Variants in STPG1 observed in about 807,000 individuals in gnomAD.
STPG1 encodes O(6)-methylguanine-induced apoptosis 2.
A neutral mutation model predicts 40.1 loss-of-function variants in STPG1; 33 were observed. The observed-to-expected ratio is 0.82, with a 90% CI of 0.62 to 1.10. STPG1 has a LOEUF of 1.10. Among genes scored for constraint, STPG1 ranks in the 50% least tolerant of loss-of-function variants. STPG1 has a pLI of 0.00. For synonymous variants in STPG1, 150 were observed against 155.0 expected (o/e 0.97, Z 0.24); for missense variants, 396 against 415.1 (o/e 0.95, Z 0.40).
intron 4 of STPG1, among the ~76,000 whole-genome samples, chr1:24,382,959 T>A (rs143955823): frequency 6.4e-5 from 9 of 141,324 alleles, no homozygotes; most frequent in African/African-American, 2.4e-4. Context: ...TCACCCAGGC[T>A]GGAGTGTGAT....
intron 7 of STPG1, 76 bp downstream of exon 7, chr1:24,369,598 C>T: frequency 6.7e-7 from 1 of 1,482,428 alleles, no homozygotes; most frequent in Non-Finnish European, 9.2e-7. Context: ...GCAGTGACAC[C>T]CCATCCTTTT....
chr1:24,372,506 T>C (rs1419955229), intron 6 of STPG1, among the ~76,000 whole-genome samples: 1 of 152,134 alleles, frequency 6.6e-6, no homozygotes, highest in Non-Finnish European at 1.5e-5. Context: ...AGGGGCAGAC[T>C]GTGGAGGTGC....
chr1:24,407,473 G>A (rs1384012088), intron 1 of STPG1, among the ~76,000 whole-genome samples: 2 of 136,184 alleles, frequency 1.5e-5, no homozygotes, highest in African/African-American at 2.8e-5. Flanking sequence ...ACGGAGTCCC[G>A]CTCTGTCACC....
At position 24,357,834 on chromosome 1, in the gene STPG1, G is replaced by C. The variant is rs188326269; in HGVS notation, c.*709C>G. 1 of 298,014 alleles carries C rather than the reference G, an allele frequency of 3.4e-6. No individual in the cohort carries two copies. Among genetic ancestry groups the C allele is most frequent in the Admixed American group, 4.6e-5 (1 of 21,808 alleles). The allele number at this position is 298,014 out of a possible 1,614,324, so 18.5% of individuals were successfully genotyped here. A position where few individuals can be genotyped will look rare whatever the true frequency, so the allele number is the denominator to read the frequency against. ...CTCCATGGAAGGGCCTGTAAGCCTT[G>C]AGAAAATTCAGTCCCGCCAGCAGAG... On this transcript the variant is annotated 3_prime_UTR_variant, in exon 9 of 9. Coordinates refer to ENST00000337248, the MANE Select transcript of STPG1 (RefSeq NM_001199013.2).
intron 3 of STPG1, among the ~76,000 whole-genome samples, chr1:24,387,008 T>C (rs1642535284): frequency 6.7e-6 from 1 of 149,114 alleles, no homozygotes; most frequent in Admixed American, 6.6e-5. Flanking sequence ...ATCATCATCA[T>C]CACCATCACC....
chr1:24,360,254 A>G (rs1172464478), intron 8 of STPG1, among the ~76,000 whole-genome samples: 4 of 152,166 alleles, frequency 2.6e-5, no homozygotes, highest in Admixed American at 2.6e-4. Context: ...AGACCAGCCT[A>G]GCCAACATAG....
chr1:24,406,258 ACAGT>A (rs1294627715), intron 1 of STPG1, among the ~76,000 whole-genome samples: 3 of 152,108 alleles, frequency 2.0e-5, no homozygotes, highest in Admixed American at 6.5e-5. Flanking sequence ...TTAATTTATC[ACAGT>A]CAAACAATAG....
At chr1:24,414,051 C>CT (rs921807698), upstream of STPG1, 184 of 149,586 alleles carry the variant, frequency 1.2e-3, 1 homozygote, top group South Asian at 5.5e-3. Context: ...AGCCCTGTTT[C>CT]TTTTTTTTTT....
At chr1:24,393,555 G>C (rs1642868553) in intron 2 of STPG1, among the ~76,000 whole-genome samples, 1 of 152,070 alleles carries the variant, frequency 6.6e-6, no homozygotes, top group African/African-American at 2.4e-5. Context: ...ACATTCTCCT[G>C]GGGAAAGGAG....
chr1:24,361,085 G>T, intron 7 of STPG1, 44 bp from the exon 8 acceptor site: 3 of 1,532,274 alleles, frequency 2.0e-6, no homozygotes, highest in Non-Finnish European at 2.6e-6. Flanking sequence ...AGGCAGTCTA[G>T]TGGGGAAGGC....
intron 3 of STPG1, among the ~76,000 whole-genome samples, chr1:24,386,090 G>A (rs962668786): frequency 7.9e-5 from 12 of 152,262 alleles, no homozygotes; most frequent in Middle Eastern, 3.4e-3. Context: ...CCTAAATGCC[G>A]GCTCCATCCT....
At chr1:24,402,894 C>T (rs138565380) in intron 1 of STPG1, among the ~76,000 whole-genome samples, 39 of 152,214 alleles carry the variant, frequency 2.6e-4, no homozygotes, top group East Asian at 7.7e-4. Flanking sequence ...ATTTGCTCCC[C>T]GGCTGAGGTT....
chr1:24,365,459 T>C (rs1354983083), intron 7 of STPG1, among the ~76,000 whole-genome samples: 1 of 152,224 alleles, frequency 6.6e-6, no homozygotes, highest in Non-Finnish European at 1.5e-5. Flanking sequence ...AAGCGAAACC[T>C]TGGCTGATAC....
intron 5 of STPG1, among the ~76,000 whole-genome samples, chr1:24,377,096 T>TA (rs5773086): frequency 0.71 from 103,155 of 145,320 alleles, 36,437 homozygotes; most frequent in East Asian, 0.86. Context: ...CCATCTCTAC[T>TA]AAAAAAAAAA....
chr1:24,373,785 C>A lies in STPG1; in HGVS notation c.488G>T (p.Arg163Ile). Residue 163 changes from arginine (R) to isoleucine (I), a missense_variant, in exon 6 of 9, where the codon AGA becomes ATA. Transcript: ENST00000337248. ...YNASVSCCKQ[R>I]NNVCTRAGFM... ...CCCGGCTCGAGTACAGACGTTGTTT[C>A]TCTGCTTGCAGCAAGAGACAGAGGC... 6.2e-7 allele frequency: 1 copy of A among 1,609,934 alleles called. No homozygotes were observed. The highest frequency in any genetic ancestry group is 8.5e-7 in the Non-Finnish European group (1 of 1,176,356).
Position 24,391,673 on chromosome 1 carries a change from G to C in STPG1, c.77C>G (p.Thr26Ser), listed in dbSNP as rs992806398. 6 of 1,539,184 alleles carry C rather than the reference G, an allele frequency of 3.9e-6. No homozygotes were observed. Among genetic ancestry groups the C allele is most frequent in the Non-Finnish European group, 3.5e-6 (4 of 1,139,914 alleles). ...RRASEVQKGF[T>S]AAYPTQSSIP... ...GGAGGATTGTGTTGGATATGCAGCA[G>C]TAAAACCTAAACAACAAAAATGGAG... The change falls in exon 3 of 9, where the codon ACT becomes AGT. Residue 26 changes from threonine to serine, a missense_variant. By Grantham distance (58) the Thr-to-Ser change is moderately conservative. Transcript: ENST00000337248.
rs1364154205 is a variant in STPG1 at position 24,365,628 on chromosome 1, G to A, written c.737+4046C>T. On this transcript the variant is annotated intron_variant, in intron 7 of 8. Transcript: ENST00000337248. ...ACAGCCAGCCCCAAGCACAGCATCC[G>A]CCCTGCGGGGCCACACTAGAAACCC... Among the ~76,000 whole-genome samples the A allele has an allele frequency of 2.6e-5, 4 of 152,212 alleles. No individual in the cohort carries two copies. The South Asian group carries it at 6.2e-4, about 24-fold the overall frequency.
chr1:24,358,532 G>C lies in STPG1; in HGVS notation c.*11C>G. On this transcript the variant is annotated 3_prime_UTR_variant, in exon 9 of 9. Coordinates refer to ENST00000337248, the MANE Select transcript of STPG1 (RefSeq NM_001199013.2). ...GGTGGCTGGAGTTCTCCTTGACCTTGTGTGACATCCCTACAGAACCGGGAT... is the reference window on the plus strand; with the variant it reads ...GGTGGCTGGAGTTCTCCTTGACCTTCTGTGACATCCCTACAGAACCGGGAT... The C allele has an allele frequency of 6.2e-7, 1 of 1,609,932 alleles. No homozygotes were observed. The highest frequency in any genetic ancestry group is 8.5e-7 in the Non-Finnish European group (1 of 1,176,138).
chr1:24,380,993 C>A (rs1373711674), intron 4 of STPG1, among the ~76,000 whole-genome samples: 1 of 152,184 alleles, frequency 6.6e-6, no homozygotes, highest in Non-Finnish European at 1.5e-5. Flanking sequence ...CAAGAGTTAA[C>A]CAATACCTTT....
Sources: allele counts gnomAD v4.1 joint callset (sites outside exome capture counted in the v4.1 genomes callset), GRCh38; gene constraint gnomAD v4.1.1; transcripts MANE v1.5; gene names NCBI Gene and HGNC (gene_info 2026-07-23, HGNC 2026-07-21).